Variants in FAM184B observed in about 807,000 individuals in gnomAD.
FAM184B encodes family with sequence similarity 184 member B, also known as protein FAM184B.
A neutral mutation model predicts 135.9 loss-of-function variants in FAM184B; 111 were observed. The ratio of observed to expected loss-of-function variants is 0.82; its 90% CI spans 0.70 to 0.96. The LOEUF (loss-of-function observed/expected upper bound fraction) is 0.96, where lower values mean the gene tolerates loss of function less well. Among genes scored for constraint, FAM184B ranks in the 40% least tolerant of loss-of-function variants. The pLI is 0.00. For synonymous variants in FAM184B, 552 were observed against 524.8 expected (o/e 1.05, Z -0.71); for missense variants, 1,375 against 1,323.9 (o/e 1.04, Z -0.60).
Position 17,748,119 on chromosome 4 carries a change from A to G in FAM184B, c.141+33040T>C, listed in dbSNP as rs368912606. On this transcript the variant is annotated intron_variant, in intron 1 of 17. Coordinates refer to ENST00000265018, the MANE Select transcript of FAM184B (RefSeq NM_015688.2). ...ACTCCGTCTGAAAAAAAAAAAAAAA[A>G]AAAAGAAAAGAAAGAGTCAGAAGTA... Among the ~76,000 whole-genome samples the G allele has an allele frequency of 1.3e-3, 201 of 149,810 alleles. 1 individual carries two copies. Among genetic ancestry groups the G allele is most frequent in the East Asian group, 6.6e-3 (33 of 4,994 alleles).
chr4:17,661,577 T>C (rs1438266595), intron 8 of FAM184B, among the ~76,000 whole-genome samples: 1 of 152,086 alleles, frequency 6.6e-6, no homozygotes. Context: ...AATAAAACTG[T>C]ACATATTAAA....
intron 11 of FAM184B, 61 bp from the exon 12 acceptor site, chr4:17,647,852 G>A: frequency 6.7e-7 from 1 of 1,499,168 alleles, no homozygotes; most frequent in South Asian, 1.2e-5. Context: ...CTGTGTCATG[G>A]GGACAACAGT....
At chr4:17,713,137 T>G (rs1225405408) in intron 1 of FAM184B, among the ~76,000 whole-genome samples, 7 of 152,224 alleles carry the variant, frequency 4.6e-5, no homozygotes, top group Non-Finnish European at 1.0e-4. Context: ...TTCATTACTC[T>G]CCATCCCCAG....
intron 11 of FAM184B, among the ~76,000 whole-genome samples, chr4:17,651,031 C>T (rs1028912487): frequency 2.0e-5 from 3 of 152,174 alleles, no homozygotes; most frequent in African/African-American, 7.2e-5. Context: ...CCACCACACT[C>T]AGCACCCAGA....
At chr4:17,742,137 A>AATATATATAT (rs372209332) in intron 1 of FAM184B, among the ~76,000 whole-genome samples, 3 of 26,450 alleles carry the variant, frequency 1.1e-4, no homozygotes, top group African/African-American at 2.4e-4. Context: ...TATACATATG[A>AATATATATAT]ATATATATAT....
chr4:17,742,137 A>AATAT (rs372209332), intron 1 of FAM184B, among the ~76,000 whole-genome samples: 41 of 26,462 alleles, frequency 1.5e-3, no homozygotes, highest in African/African-American at 3.2e-3. Context: ...TATACATATG[A>AATAT]ATATATATAT....
chr4:17,708,709 A>ATATATAGAGT (rs3066655), intron 2 of FAM184B, among the ~76,000 whole-genome samples, 183 bp downstream of exon 2: 1 of 38,840 alleles, frequency 2.6e-5, no homozygotes. Flanking sequence ...ATATATATAT[A>ATATATAGAGT]GTGTCTGTGT....
intron 8 of FAM184B, among the ~76,000 whole-genome samples, chr4:17,661,407 C>T (rs996077093): frequency 2.0e-5 from 3 of 151,944 alleles, no homozygotes; most frequent in Non-Finnish European, 4.4e-5. Context: ...AAAAAATTAG[C>T]TTAGTGTGGT....
chr4:17,669,826 A>G (rs1716130704), intron 7 of FAM184B, among the ~76,000 whole-genome samples: 1 of 152,244 alleles, frequency 6.6e-6, no homozygotes, highest in Admixed American at 6.5e-5. Context: ...AGATTCGAAC[A>G]AGATCAGCAA....
intron 1 of FAM184B, among the ~76,000 whole-genome samples, chr4:17,744,989 C>T (rs891655386): frequency 6.6e-6 from 1 of 152,146 alleles, no homozygotes; most frequent in Non-Finnish European, 1.5e-5. Context: ...CCTCTTCAGC[C>T]GGAGCTGCTG....
intron 1 of FAM184B, among the ~76,000 whole-genome samples, chr4:17,775,407 C>T (rs1164844684): frequency 5.9e-5 from 9 of 152,044 alleles, no homozygotes; most frequent in East Asian, 1.9e-4. Flanking sequence ...GGATGGTCTC[C>T]GTCTCCTGAC....
At chr4:17,640,287 A>G (rs1193122719) in intron 13 of FAM184B, among the ~76,000 whole-genome samples, 3 of 145,340 alleles carry the variant, frequency 2.1e-5, no homozygotes, top group African/African-American at 5.0e-5. Flanking sequence ...CCTGACCAAC[A>G]TGGTGAAACC....
intron 7 of FAM184B, among the ~76,000 whole-genome samples, chr4:17,680,558 C>T (rs1477216587): frequency 6.6e-6 from 1 of 152,176 alleles, no homozygotes; most frequent in African/African-American, 2.4e-5. Context: ...CTGAGAATAT[C>T]CCTGAGCCAC....
chr4:17,644,921 G>A lies in FAM184B; in HGVS notation c.2347-2693C>T, dbSNP rs547509553. 1.6e-3 allele frequency among the ~76,000 whole-genome samples: 243 copies of A among 152,274 alleles called. 1 individual carries two copies. The highest frequency in any genetic ancestry group is 2.7e-3 in the Non-Finnish European group (182 of 68,040). On this transcript the variant is annotated intron_variant, in intron 12 of 17. Coordinates refer to ENST00000265018, the MANE Select transcript of FAM184B (RefSeq NM_015688.2). Reference sequence around the variant, plus strand: ...CAAAATCAATGTGCAAAAATCACAAGCATTCTTATACACCAATAACAGACA... The same window carrying A: ...CAAAATCAATGTGCAAAAATCACAAACATTCTTATACACCAATAACAGACA...
At chr4:17,712,207 A>T (rs769284044) in intron 1 of FAM184B, among the ~76,000 whole-genome samples, 2 of 152,208 alleles carry the variant, frequency 1.3e-5, no homozygotes, top group Non-Finnish European at 2.9e-5. Flanking sequence ...AGATGGAAAG[A>T]TGGAGCAGAA....
chr4:17,737,076 G>A (rs768896558), intron 1 of FAM184B, among the ~76,000 whole-genome samples: 22 of 152,174 alleles, frequency 1.4e-4, no homozygotes, highest in African/African-American at 5.1e-4. Context: ...ACCCAGGGGC[G>A]GAGGTTACAG....
At chr4:17,720,675 C>G (rs1717502188) in intron 1 of FAM184B, among the ~76,000 whole-genome samples, 1 of 151,598 alleles carries the variant, frequency 6.6e-6, no homozygotes, top group East Asian at 2.0e-4. Flanking sequence ...ATCATGAGGT[C>G]AGGAGTTCAA....
At chr4:17,702,360 T>G (rs73800351) in intron 5 of FAM184B, among the ~76,000 whole-genome samples, 2,531 of 152,256 alleles carry the variant, frequency 0.017, 61 homozygotes, top group African/African-American at 0.056. Context: ...AATTATAGGA[T>G]GTGTACTGTG....
intron 7 of FAM184B, among the ~76,000 whole-genome samples, chr4:17,678,053 C>T (rs552312250): frequency 2.0e-5 from 3 of 152,196 alleles, no homozygotes; most frequent in Admixed American, 2.0e-4. Flanking sequence ...GGCAAACTTG[C>T]AGCCCACATT....
Sources: gnomAD v4.1 joint callset for allele counts (sites outside exome capture counted in the v4.1 genomes callset) on GRCh38, gnomAD v4.1.1 for gene constraint, MANE v1.5 for transcripts, NCBI Gene and HGNC (gene_info 2026-07-23, HGNC 2026-07-21) for gene names.